Variants in CCDC175 observed in about 807,000 individuals in gnomAD.
CCDC175 encodes the protein coiled-coil domain-containing protein 175.
In CCDC175, 100 loss-of-function variants were observed where a neutral mutation model predicts 114.6. The observed-to-expected ratio is 0.87, with a 90% CI of 0.74 to 1.03. The LOEUF (loss-of-function observed/expected upper bound fraction) is 1.03, where lower values mean the gene tolerates loss of function less well. Ranked by LOEUF, CCDC175 falls within the 50% of genes least tolerant of loss-of-function variation. CCDC175 has a pLI of 0.00. For missense variants in CCDC175, 880 were observed against 917.8 expected (o/e 0.96, Z 0.53); for synonymous variants, 306 against 308.7 (o/e 0.99, Z 0.09).
intron 8 of CCDC175, among the ~76,000 whole-genome samples, chr14:59,549,185 G>C (rs1367240146): frequency 1.3e-5 from 2 of 152,224 alleles, no homozygotes; most frequent in African/African-American, 4.8e-5. Context: ...GATGTAGACA[G>C]AGAGTACCTG....
chr14:59,526,912 G>T (rs1405230160), intron 15 of CCDC175, among the ~76,000 whole-genome samples, 183 bp downstream of exon 15: 1 of 152,102 alleles, frequency 6.6e-6, no homozygotes, highest in Non-Finnish European at 1.5e-5. Context: ...ATGTGTACAG[G>T]TGTATGTGTA....
intron 17 of CCDC175, among the ~76,000 whole-genome samples, chr14:59,521,096 A>G (rs1340304278): frequency 6.6e-6 from 1 of 152,212 alleles, no homozygotes; most frequent in Non-Finnish European, 1.5e-5. Flanking sequence ...GGGTATGTCT[A>G]TGAGGGTGTT....
At chr14:59,513,274 C>T (rs2139958213) in intron 17 of CCDC175, among the ~76,000 whole-genome samples, 1 of 152,262 alleles carries the variant, frequency 6.6e-6, no homozygotes, top group African/African-American at 2.4e-5. Flanking sequence ...GCATTTCCAA[C>T]TGAGGTACTG....
chr14:59,563,287 T>A (rs1451496689), intron 6 of CCDC175, among the ~76,000 whole-genome samples: 1 of 152,230 alleles, frequency 6.6e-6, no homozygotes. Context: ...ATGTATTTTC[T>A]AATTTAAATA....
At chr14:59,551,303 C>T in intron 8 of CCDC175, 52 bp downstream of exon 8, 1 of 835,576 alleles carries the variant, frequency 1.2e-6, no homozygotes, top group South Asian at 2.2e-5. Context: ...TAAACATTAA[C>T]TAAAAATGAA....
chr14:59,525,501 C>T, intron 15 of CCDC175, 67 bp from the exon 16 acceptor site: 1 of 1,093,538 alleles, frequency 9.1e-7, no homozygotes, highest in Non-Finnish European at 1.3e-6. Context: ...TATTATACTG[C>T]CTAGGTCACA....
chr14:59,506,006 G>A (rs1235201383), intron 19 of CCDC175, among the ~76,000 whole-genome samples: 1 of 152,070 alleles, frequency 6.6e-6, no homozygotes. Flanking sequence ...GATTTTCTTT[G>A]AGCGTCATAT....
chr14:59,569,519 T>G (rs1413856263), intron 3 of CCDC175, among the ~76,000 whole-genome samples: 1 of 152,196 alleles, frequency 6.6e-6, no homozygotes, highest in African/African-American at 2.4e-5. Flanking sequence ...TATAAGCTAT[T>G]ATGGTATTTT....
chr14:59,506,854 C>A (rs1437228416), intron 19 of CCDC175, among the ~76,000 whole-genome samples: 1 of 152,068 alleles, frequency 6.6e-6, no homozygotes, highest in Non-Finnish European at 1.5e-5. Flanking sequence ...TTTAATGTTT[C>A]TTTTAAAGTA....
intron 19 of CCDC175, among the ~76,000 whole-genome samples, chr14:59,507,506 G>A (rs915195571): frequency 6.6e-6 from 1 of 152,198 alleles, no homozygotes; most frequent in African/African-American, 2.4e-5. Context: ...GACCTGCAGG[G>A]CTGCAGTGAC....
intron 17 of CCDC175, among the ~76,000 whole-genome samples, chr14:59,515,322 G>A (rs1180369698): frequency 1.3e-5 from 2 of 152,202 alleles, no homozygotes; most frequent in African/African-American, 2.4e-5. Context: ...AACAATATTA[G>A]CCTTAAATGT....
intron 17 of CCDC175, among the ~76,000 whole-genome samples, chr14:59,518,284 C>T (rs868382527): frequency 0.012 from 1,805 of 152,210 alleles, 28 homozygotes; most frequent in African/African-American, 0.042. Flanking sequence ...GTCTAAAACA[C>T]CAAAAGCAAT....
intron 13 of CCDC175, among the ~76,000 whole-genome samples, chr14:59,532,748 G>A (rs1894144604): frequency 2.0e-5 from 3 of 152,194 alleles, no homozygotes; most frequent in Admixed American, 2.0e-4. Context: ...TTGACGCACA[G>A]ATGTTAGGCT....
intron 8 of CCDC175, among the ~76,000 whole-genome samples, chr14:59,549,065 CAG>C (rs774422033): frequency 6.6e-6 from 1 of 152,130 alleles, no homozygotes; most frequent in Admixed American, 6.5e-5. Flanking sequence ...AAATTTCCAA[CAG>C]AGTTTGCAAT....
rs1208702122 is a variant in CCDC175 at position 59,531,824 on chromosome 14, T to C, written c.1710A>G (p.Gln570=). ...ACTTTCTTCTTTTCTCTTTATACTC[T>C]TGTTCTGCCACCTGAAGTTGTGGAA... ...EYLPQLQVAE[Q]EYKEKRRKLE... The change falls in exon 14 of 20, where the codon CAA becomes CAG. Residue 570 remains glutamine, a synonymous_variant. Transcript: ENST00000537690. 1.3e-6 allele frequency: 2 copies of C among 1,494,752 alleles called. No individual in the cohort carries two copies. The highest frequency in any genetic ancestry group is 2.8e-5 in the African/African-American group (2 of 72,112). 92.6% of individuals were successfully genotyped at this position (1,494,752 alleles called of 1,614,324 possible).
Position 59,535,339 on chromosome 14 carries a change from C to T in CCDC175, c.1623+2684G>A, listed in dbSNP as rs183592081. ...GAGTTTTGCGATCTACTGATCATCT[C>T]ATCTGCCAAGTCTTATGCTTCTATT... On this transcript the variant is annotated intron_variant, in intron 13 of 19. Coordinates refer to ENST00000537690, the MANE Select transcript of CCDC175 (RefSeq NM_001164399.2). 3.7e-3 allele frequency among the ~76,000 whole-genome samples: 564 copies of T among 152,268 alleles called. 2 individuals carry two copies. Among genetic ancestry groups the T allele is most frequent in the African/African-American group, 0.013 (529 of 41,558 alleles).
Position 59,538,854 on chromosome 14 carries a change from CA to C in CCDC175, c.1356-15del, listed in dbSNP as rs1374565254. On this transcript the variant is annotated splice_polypyrimidine_tract_variant and intron_variant, in intron 11 of 19. Coordinates refer to ENST00000537690, the MANE Select transcript of CCDC175 (RefSeq NM_001164399.2). The stretch of plus-strand genomic sequence containing the variant: ...TGAGTTATAACACTAGAGATTAGAG[CA>C]AAAAGAATTGCCATTAAATTGACAT... The C allele has an allele frequency of 1.3e-5, 19 of 1,511,946 alleles. No individual in the cohort carries two copies. The highest frequency in any genetic ancestry group is 1.5e-5 in the Non-Finnish European group (17 of 1,138,750). 93.7% of individuals were successfully genotyped at this position (1,511,946 alleles called of 1,614,324 possible). A position where few individuals can be genotyped will look rare whatever the true frequency, so the allele number is the denominator to read the frequency against.
At position 59,538,170 on chromosome 14, in the gene CCDC175, T is replaced by A. The variant is rs1019698515; in HGVS notation, c.1492-16A>T. 6.5e-7 allele frequency: 1 copy of A among 1,526,816 alleles called. No individual in the cohort carries two copies. Among genetic ancestry groups the A allele is most frequent in the Non-Finnish European group, 8.8e-7 (1 of 1,142,176 alleles). The allele number at this position is 1,526,816 out of a possible 1,614,324, so 94.6% of individuals were successfully genotyped here. On this transcript the variant is annotated splice_polypyrimidine_tract_variant and intron_variant, in intron 12 of 19. Coordinates refer to ENST00000537690, the MANE Select transcript of CCDC175 (RefSeq NM_001164399.2). The stretch of plus-strand genomic sequence containing the variant: ...TGAAACTGGTCTAATTAGAGAAAAA[T>A]AAGAATTTGTCATTTCTCTTGTAGT...
Position 59,521,020 on chromosome 14 carries a change from T to C in CCDC175, c.2098+554A>G, listed in dbSNP as rs79568069. Among the ~76,000 whole-genome samples the C allele has an allele frequency of 2.3e-3, 354 of 152,324 alleles. 16 individuals are homozygous for C. In the East Asian group the frequency reaches 0.059, roughly 26 times the overall value. Reference sequence around the variant, plus strand: ...TTAAATGAAGTAAAAACTTTATATGTAAAGAACACTGTAATGGTTAATATT... The same window carrying C: ...TTAAATGAAGTAAAAACTTTATATGCAAAGAACACTGTAATGGTTAATATT... On this transcript the variant is annotated intron_variant, in intron 17 of 19. Transcript: ENST00000537690.
Sources: gnomAD v4.1 joint callset for allele counts (sites outside exome capture counted in the v4.1 genomes callset) on GRCh38, gnomAD v4.1.1 for gene constraint, MANE v1.5 for transcripts, NCBI Gene and HGNC (gene_info 2026-07-23, HGNC 2026-07-21) for gene names.